SOCS4: variants seen among roughly 807,000 people sequenced by gnomAD.
SOCS4 encodes suppressor of cytokine signaling 4, also known as SH2 domain containing SOCS box protein.
Under a neutral mutation model 34.1 loss-of-function variants are expected in SOCS4, and 20 were observed. The observed-to-expected ratio is 0.59, with a 90% confidence interval of 0.41 to 0.85. The LOEUF (loss-of-function observed/expected upper bound fraction) is 0.85, where lower values mean the gene tolerates loss of function less well. Ranked by LOEUF, SOCS4 falls within the 40% of genes least tolerant of loss-of-function variation. The pLI is 0.00. For missense variants in SOCS4, 479 were observed against 532.4 expected, an observed-to-expected ratio of 0.90 and a Z score of 0.99; for synonymous variants, 180 against 186.4, an observed-to-expected ratio of 0.97 and a Z score of 0.28.
chr14:55,040,038 G>A (rs2042603998), intron 2 of SOCS4, among the ~76,000 whole-genome samples: 1 of 152,222 alleles, frequency 6.6e-6, no homozygotes, highest in Admixed American at 6.5e-5. Flanking sequence ...GTAAATAAAA[G>A]CGCCAAGCAT....
chr14:55,032,999 G>A (rs922872369), intron 2 of SOCS4, among the ~76,000 whole-genome samples: 6 of 152,062 alleles, frequency 3.9e-5, no homozygotes, highest in African/African-American at 9.7e-5. Context: ...AGTCAGGATG[G>A]TCTCGATCTC....
At chr14:55,040,800 C>G (rs2042611113) in intron 2 of SOCS4, among the ~76,000 whole-genome samples, 1 of 151,578 alleles carries the variant, frequency 6.6e-6, no homozygotes, top group South Asian at 2.1e-4. Context: ...GGATTTTTTC[C>G]TTGAATATTT....
At chr14:55,029,100 T>C (rs1385079080) in intron 1 of SOCS4, among the ~76,000 whole-genome samples, 1 of 152,214 alleles carries the variant, frequency 6.6e-6, no homozygotes, top group African/African-American at 2.4e-5. Context: ...TTTTCACAAT[T>C]CCATTTGTTT....
intron 2 of SOCS4, among the ~76,000 whole-genome samples, chr14:55,033,027 C>T (rs778273125): frequency 6.6e-6 from 1 of 152,118 alleles, no homozygotes; most frequent in Non-Finnish European, 1.5e-5. Context: ...CGTGATCCAC[C>T]CACCTAGGCC....
chr14:55,031,674 CT>C (rs1222239767), intron 1 of SOCS4, among the ~76,000 whole-genome samples, 188 bp from the exon 2 acceptor site: 1 of 152,140 alleles, frequency 6.6e-6, no homozygotes, highest in African/African-American at 2.4e-5. Flanking sequence ...ATCAATGATT[CT>C]TTTTTAGAAA....
At chr14:55,028,398 G>A (rs1255408277) in intron 1 of SOCS4, among the ~76,000 whole-genome samples, 1 of 151,942 alleles carries the variant, frequency 6.6e-6, no homozygotes, top group Non-Finnish European at 1.5e-5. Context: ...CAGAGATGAT[G>A]CTTTCTGAGT....
chr14:55,029,972 C>G (rs542191459), intron 1 of SOCS4, among the ~76,000 whole-genome samples: 2 of 152,230 alleles, frequency 1.3e-5, no homozygotes, highest in East Asian at 3.9e-4. Flanking sequence ...TAGATCCTTA[C>G]TACAGCAAGA....
rs755449323 is a variant in SOCS4, at chr14:55,035,396, G to A, written c.-91+3405G>A. 7.0e-4 allele frequency among the ~76,000 whole-genome samples: 107 copies of A among 152,284 alleles called. No homozygotes were observed. In the Middle Eastern group the frequency reaches 0.01, roughly 15 times the overall value. ...TTGGGGGAAGATGTCAAATTTTTCT[G>A]TAACTTCATGGTCTATGAGTTTCAC... On this transcript the variant is annotated intron_variant, in intron 2 of 2. Transcript: ENST00000555846.
At chr14:55,040,011 T>A (rs752091660) in intron 2 of SOCS4, among the ~76,000 whole-genome samples, 2 of 152,236 alleles carry the variant, frequency 1.3e-5, no homozygotes, top group African/African-American at 4.8e-5. Context: ...GTCACACTCA[T>A]AAGTGAAGTT....
At chr14:55,042,827 C>T (rs1566756208) in intron 2 of SOCS4, 125 bp from the exon 3 acceptor site, 1 of 473,474 alleles carries the variant, frequency 2.1e-6, no homozygotes, top group African/African-American at 1.9e-5. Context: ...TCTTGGGACT[C>T]CCTTCCAACA....
intron 1 of SOCS4, among the ~76,000 whole-genome samples, chr14:55,028,541 T>C (rs1373686273): frequency 2.0e-5 from 3 of 152,178 alleles, no homozygotes; most frequent in Non-Finnish European, 2.9e-5. Flanking sequence ...TTCGTCTCTA[T>C]GTTGAATAAA....
Position 55,043,519 on chromosome 14 carries a change from G to T in SOCS4, c.478G>T (p.Glu160Ter), listed in dbSNP as rs745974948. The change falls in exon 3 of 3, where the codon GAA becomes TAA. Residue 160 changes from glutamate (E) to a stop codon, truncating the protein, a stop_gained. Transcript: ENST00000555846. LOFTEE classifies it high-confidence loss of function. The part of the protein sequence containing the change: ...HTAPINSKSD[E>*]WVSTDLSQTE... ...TGCTCCTATAAATTCCAAATCAGAT[G>T]AATGGGTAAGCACAGACTTGTCTCA... 10 of 1,614,068 alleles carry T rather than the reference G, an allele frequency of 6.2e-6. No individual in the cohort carries two copies. The highest frequency in any genetic ancestry group is 3.4e-6 in the Non-Finnish European group (4 of 1,180,040).
At position 55,044,632 on chromosome 14, in the gene SOCS4, T is replaced by G; in HGVS notation, c.*268T>G. ...TACTTACATTTTTTCTTTCCTTAATTTATACATGATCCTTTTTCCTTAATT... is the reference window on the plus strand; with the variant it reads ...TACTTACATTTTTTCTTTCCTTAATGTATACATGATCCTTTTTCCTTAATT... On this transcript the variant is annotated 3_prime_UTR_variant, in exon 3 of 3. Transcript: ENST00000555846. 1 of 167,518 alleles carries G rather than the reference T, an allele frequency of 6.0e-6. No individual in the cohort carries two copies. The highest frequency in any genetic ancestry group is 1.3e-5 in the Non-Finnish European group (1 of 79,392). The allele number at this position is 167,518 out of a possible 1,614,324, so 10.4% of individuals were successfully genotyped here.
chr14:55,032,626 C>G (rs557008236), intron 2 of SOCS4, among the ~76,000 whole-genome samples: 14 of 152,266 alleles, frequency 9.2e-5, no homozygotes, highest in African/African-American at 3.4e-4. Context: ...GCCAAAGCAG[C>G]CTTTTCCCAA....
At position 55,043,992 on chromosome 14, in the gene SOCS4, CTATT is replaced by C. The variant is rs2042648074; in HGVS notation, c.956_959del (p.Leu319SerfsTer42). The C allele has an allele frequency of 1.2e-6, 2 of 1,614,124 alleles. No homozygotes were observed. The highest frequency in any genetic ancestry group is 1.3e-5 in the African/African-American group (1 of 75,014). Reference sequence around the variant, plus strand: ...TACTTCGAGACTCAGCACAGGAAGACTATTTATTCTCTGTTAGTTTTAGACGCTA... The same window carrying C: ...TACTTCGAGACTCAGCACAGGAAGACTATTCTCTGTTAGTTTTAGACGCTA... On this transcript the variant is annotated frameshift_variant, in exon 3 of 3. Transcript: ENST00000555846. LOFTEE classifies it high-confidence loss of function.
intron 2 of SOCS4, among the ~76,000 whole-genome samples, chr14:55,037,558 A>G (rs2042584240): frequency 6.6e-6 from 1 of 150,898 alleles, no homozygotes; most frequent in African/African-American, 2.4e-5. Flanking sequence ...CAGGGGTGCA[A>G]TCTCGGCTCA....
In SOCS4 at chr14:55,045,564, CA is replaced by C. The variant is rs1352455182; in HGVS notation, c.*1201del. 1 of 166,830 alleles carries C rather than the reference CA, an allele frequency of 6.0e-6. No individual in the cohort carries two copies. The highest frequency in any genetic ancestry group is 1.5e-5 in the Non-Finnish European group (1 of 68,020). 10.3% of individuals were successfully genotyped at this position (166,830 alleles called of 1,614,324 possible). ...GCTACATGACTTACACCATACAGAA[CA>C]GTACTGGACAAAAGGGGTGATATTT... On this transcript the variant is annotated 3_prime_UTR_variant, in exon 3 of 3. Coordinates refer to ENST00000555846, the MANE Select transcript of SOCS4 (RefSeq NM_199421.2).
rs146354925 is a variant in SOCS4 at position 55,032,873 on chromosome 14, C to T, written c.-91+882C>T. Among the ~76,000 whole-genome samples the T allele has an allele frequency of 5.3e-5, 8 of 152,276 alleles. No individual in the cohort carries two copies. In the East Asian group the frequency reaches 1.5e-3, roughly 29 times the overall value. On this transcript the variant is annotated intron_variant, in intron 2 of 2. Coordinates refer to ENST00000555846, the MANE Select transcript of SOCS4 (RefSeq NM_199421.2). ...TCTCAGCTCACTGCAAGGTCCGCCT[C>T]CTGGGTTCATGCCATTCTCCTGCCT...
intron 2 of SOCS4, among the ~76,000 whole-genome samples, chr14:55,034,807 G>A (rs1232055598): frequency 6.7e-6 from 1 of 148,602 alleles, no homozygotes; most frequent in African/African-American, 2.5e-5. Flanking sequence ...GCGACAGAGT[G>A]AGACTTCACC....
Sources: allele counts gnomAD v4.1 joint callset (sites outside exome capture counted in the v4.1 genomes callset), GRCh38; gene constraint gnomAD v4.1.1; transcripts MANE v1.5; gene names NCBI Gene and HGNC (gene_info 2026-07-23, HGNC 2026-07-21).